ELP4: variants seen among roughly 807,000 people sequenced by gnomAD.
The protein encoded by ELP4 is elongator complex protein 4.
In ELP4, 51 loss-of-function variants were observed where a neutral mutation model predicts 48.9. The observed-to-expected ratio is 1.04, with a 90% CI of 0.83 to 1.32. The LOEUF is 1.32. Ranked by LOEUF, ELP4 falls within the 40% of genes most tolerant of loss-of-function variation. The pLI is 0.00. For missense variants in ELP4, 519 were observed against 514.6 expected, an observed-to-expected ratio of 1.01 and a Z score of -0.08; for synonymous variants, 210 against 189.2, an observed-to-expected ratio of 1.11 and a Z score of -0.90.
At chr11:31,648,100 C>T (rs769362365) in intron 8 of ELP4, 2 of 293,542 alleles carry the variant, frequency 6.8e-6, no homozygotes, top group Admixed American at 9.4e-5. Flanking sequence ...TATATTTTGT[C>T]ATCCTAGTGG....
intron 2 of ELP4, among the ~76,000 whole-genome samples, chr11:31,520,422 A>G (rs1371741817): frequency 6.6e-6 from 1 of 152,166 alleles, no homozygotes; most frequent in East Asian, 1.9e-4. Context: ...ACAGGGATCA[A>G]TTTGGGAAAT....
At chr11:31,743,392 T>C (rs376619114) in intron 9 of ELP4, among the ~76,000 whole-genome samples, 41 of 152,164 alleles carry the variant, frequency 2.7e-4, no homozygotes, top group South Asian at 6.2e-4. Context: ...CTGCACCAAG[T>C]GGACCTAATA....
At chr11:31,627,427 T>C (rs1390393466) in intron 6 of ELP4, among the ~76,000 whole-genome samples, 1 of 152,042 alleles carries the variant, frequency 6.6e-6, no homozygotes, top group Admixed American at 6.6e-5. Flanking sequence ...ACACATACTT[T>C]ATCAACATCA....
At chr11:31,534,766 T>G (rs919323308) in intron 2 of ELP4, among the ~76,000 whole-genome samples, 1 of 152,200 alleles carries the variant, frequency 6.6e-6, no homozygotes, top group African/African-American at 2.4e-5. Flanking sequence ...TAATGTCAGG[T>G]TTGTTTCTTA....
At chr11:31,557,306 T>A (rs184834331) in intron 3 of ELP4, among the ~76,000 whole-genome samples, 16 of 152,074 alleles carry the variant, frequency 1.1e-4, no homozygotes, top group Admixed American at 1.0e-3. Flanking sequence ...TCATTGTACC[T>A]TATATATTTT....
intron 9 of ELP4, among the ~76,000 whole-genome samples, chr11:31,752,310 G>A (rs1463836107): frequency 6.6e-6 from 1 of 152,070 alleles, no homozygotes; most frequent in Non-Finnish European, 1.5e-5. Flanking sequence ...AAACAGCATA[G>A]AAGAAAAGTT....
intron 9 of ELP4, among the ~76,000 whole-genome samples, chr11:31,724,251 A>G: frequency 6.6e-6 from 1 of 152,172 alleles, no homozygotes; most frequent in East Asian, 1.9e-4. Flanking sequence ...GTGGGAAGAA[A>G]GGGCGTGTCA....
intron 5 of ELP4, among the ~76,000 whole-genome samples, chr11:31,612,633 A>T (rs1358278333): frequency 1.3e-5 from 2 of 152,204 alleles, no homozygotes; most frequent in African/African-American, 4.8e-5. Context: ...GGAGAAAGAG[A>T]AGGGGCAGTA....
chr11:31,675,897 AGTCT>A (rs1485912468), intron 9 of ELP4, among the ~76,000 whole-genome samples: 1 of 152,040 alleles, frequency 6.6e-6, no homozygotes, highest in Non-Finnish European at 1.5e-5. Context: ...GCTACCACTC[AGTCT>A]AAGCCTCCTA....
At chr11:31,527,280 C>G (rs552064598) in intron 2 of ELP4, among the ~76,000 whole-genome samples, 1 of 152,152 alleles carries the variant, frequency 6.6e-6, no homozygotes, top group African/African-American at 2.4e-5. Context: ...CCTGAAAGGT[C>G]TCAGTCCCTG....
chr11:31,569,346 G>A (rs1387285062), intron 3 of ELP4, among the ~76,000 whole-genome samples: 1 of 152,176 alleles, frequency 6.6e-6, no homozygotes, highest in Non-Finnish European at 1.5e-5. Context: ...CACAAACTGT[G>A]CATCTGACAC....
intron 9 of ELP4, among the ~76,000 whole-genome samples, chr11:31,665,331 A>G (rs1945648103): frequency 1.3e-5 from 2 of 152,058 alleles, no homozygotes; most frequent in Admixed American, 1.3e-4. Context: ...CCTGTAGCAA[A>G]AGGGAAGTCT....
At chr11:31,641,925 G>C (rs1945107815) in intron 7 of ELP4, among the ~76,000 whole-genome samples, 2 of 152,028 alleles carry the variant, frequency 1.3e-5, no homozygotes, top group South Asian at 4.1e-4. Flanking sequence ...CAGGGCGTGA[G>C]CTTTTGGACA....
At chr11:31,620,438 G>A (rs557835430) in intron 5 of ELP4, among the ~76,000 whole-genome samples, 5 of 152,108 alleles carry the variant, frequency 3.3e-5, no homozygotes, top group Admixed American at 2.6e-4. Flanking sequence ...TGGAAAGAAA[G>A]TAGTGGTTAT....
intron 3 of ELP4, among the ~76,000 whole-genome samples, chr11:31,588,408 C>T (rs1390874705): frequency 1.3e-5 from 2 of 152,048 alleles, no homozygotes; most frequent in Non-Finnish European, 2.9e-5. Context: ...CCTAACTTCC[C>T]ACCAGCAGTG....
At chr11:31,552,256 T>C (rs1359007282) in intron 3 of ELP4, among the ~76,000 whole-genome samples, 2 of 152,196 alleles carry the variant, frequency 1.3e-5, no homozygotes, top group South Asian at 2.1e-4. Context: ...ACTCAGACTT[T>C]ATAACTCCTC....
intron 9 of ELP4, among the ~76,000 whole-genome samples, chr11:31,743,513 C>G (rs1397442488): frequency 6.6e-6 from 1 of 152,146 alleles, no homozygotes; most frequent in Non-Finnish European, 1.5e-5. Flanking sequence ...CATTCCTTAG[C>G]AAATGTAAAA....
intron 9 of ELP4, among the ~76,000 whole-genome samples, chr11:31,777,717 C>G (rs1948279589): frequency 6.6e-6 from 1 of 152,198 alleles, no homozygotes; most frequent in Non-Finnish European, 1.5e-5. Flanking sequence ...TTCTCACAAG[C>G]TAAGAAGAGC....
chr11:31,777,015 A>G (rs1246601958), intron 9 of ELP4, among the ~76,000 whole-genome samples: 2 of 152,168 alleles, frequency 1.3e-5, no homozygotes, highest in African/African-American at 2.4e-5. Flanking sequence ...ATATATGACA[A>G]TAATGCAAAA....
Sources: allele counts gnomAD v4.1 joint callset (sites outside exome capture counted in the v4.1 genomes callset), GRCh38; gene constraint gnomAD v4.1.1; transcripts MANE v1.5; gene names NCBI Gene and HGNC (gene_info 2026-07-23, HGNC 2026-07-21).